Variants in PDE1C observed in about 807,000 individuals in gnomAD.
PDE1C encodes phosphodiesterase 1C.
In PDE1C, 62 loss-of-function variants were observed where a neutral mutation model predicts 93.1. The ratio of observed to expected loss-of-function variants is 0.67; its 90% CI spans 0.54 to 0.82. The LOEUF (loss-of-function observed/expected upper bound fraction) is 0.82, where lower values mean the gene tolerates loss of function less well. PDE1C is among the 40% of genes least tolerant of loss of function. The pLI is 0.00. For synonymous variants in PDE1C, 325 were observed against 310.1 expected (o/e 1.05, Z -0.50); for missense variants, 742 against 884.6 (o/e 0.84, Z 2.04).
chr7:31,705,986 A>ATTTTTTTTTTTTTTTT, the PDE1C span, among the ~76,000 whole-genome samples: 16 of 52,514 alleles, frequency 3.0e-4, 4 homozygotes, highest in African/African-American at 8.3e-4. Flanking sequence ...CAGACCAGTA[A>ATTTTTTTTTTTTTTTT]TTTTTTTTTT....
intron 1 of PDE1C, among the ~76,000 whole-genome samples, chr7:32,341,595 G>A (rs1355600167): frequency 6.6e-6 from 1 of 152,166 alleles, no homozygotes; most frequent in African/African-American, 2.4e-5. Flanking sequence ...CACAGAACAG[G>A]AGCTAATTTG....
At chr7:31,965,311 G>A (rs1037610750) in intron 2 of PDE1C, among the ~76,000 whole-genome samples, 1 of 152,324 alleles carries the variant, frequency 6.6e-6, no homozygotes, top group South Asian at 2.1e-4. Flanking sequence ...TGTGACGAAC[G>A]CACAAGCCTC....
chr7:32,126,218 T>TAGAC (rs1563334302), intron 3 of PDE1C, among the ~76,000 whole-genome samples: 3 of 151,150 alleles, frequency 2.0e-5, no homozygotes, highest in Non-Finnish European at 4.4e-5. Flanking sequence ...GATAGATAGA[T>TAGAC]AGATAGATAG....
chr7:32,408,658 G>A (rs1294942528), intron 1 of PDE1C, among the ~76,000 whole-genome samples: 1 of 152,036 alleles, frequency 6.6e-6, no homozygotes, highest in African/African-American at 2.4e-5. Flanking sequence ...GCATGGTAGT[G>A]GGTGCCTGTA....
intron 2 of PDE1C, among the ~76,000 whole-genome samples, chr7:31,934,012 AT>A (rs900188676): frequency 2.6e-5 from 4 of 152,200 alleles, no homozygotes; most frequent in Non-Finnish European, 5.9e-5. Context: ...TTTTCAAGGC[AT>A]TTGAACATGC....
intron 1 of PDE1C, among the ~76,000 whole-genome samples, chr7:32,387,184 G>T (rs1784645546): frequency 6.6e-6 from 1 of 151,468 alleles, no homozygotes; most frequent in East Asian, 1.9e-4. Context: ...GAGAGCACAG[G>T]GTTGGGGATA....
In PDE1C at chr7:31,930,929, A is replaced by G. The variant is rs113324400; in HGVS notation, c.129-50069T>C. 8.9e-3 allele frequency among the ~76,000 whole-genome samples: 1,342 copies of G among 151,090 alleles called. 21 individuals are homozygous for G. Among genetic ancestry groups the G allele is most frequent in the African/African-American group, 0.031 (1,258 of 41,182 alleles). ...CATCCCTGGGATGGAAGGCTTGTTC[A>G]ACATATGAAAATCAATAAACGTAAT... is the stretch of plus-strand genomic sequence containing the variant. On this transcript the variant is annotated intron_variant, in intron 2 of 17. Transcript: ENST00000396191.
chr7:31,856,495 C>T (rs66461632), intron 7 of PDE1C, among the ~76,000 whole-genome samples: 29,669 of 152,096 alleles, frequency 0.2, 3,024 homozygotes, highest in South Asian at 0.24. Flanking sequence ...GGCATAAATG[C>T]TGGGTGTTTT....
At chr7:31,708,469 G>A in the PDE1C span, 4 of 152,166 alleles carry the variant, frequency 2.6e-5, no homozygotes, top group African/African-American at 7.2e-5. Flanking sequence ...CTCTGTCCTC[G>A]TGCGTTTCTC....
intron 1 of PDE1C, among the ~76,000 whole-genome samples, chr7:32,272,686 C>T (rs894589562): frequency 6.6e-6 from 1 of 152,180 alleles, no homozygotes; most frequent in Non-Finnish European, 1.5e-5. Context: ...CATGAAATGA[C>T]TTAACGATTG....
chr7:31,631,608 A>G, the PDE1C span, among the ~76,000 whole-genome samples: 1 of 152,172 alleles, frequency 6.6e-6, no homozygotes, highest in African/African-American at 2.4e-5. Flanking sequence ...TTTTTCTTTA[A>G]TGATGAAGGA....
intron 2 of PDE1C, among the ~76,000 whole-genome samples, chr7:31,968,406 T>C (rs941908806): frequency 6.6e-6 from 1 of 151,988 alleles, no homozygotes; most frequent in East Asian, 1.9e-4. Flanking sequence ...TTACAAGGGA[T>C]GTGAAGGACC....
At chr7:31,778,260 C>A (rs908681012) in intron 16 of PDE1C, among the ~76,000 whole-genome samples, 1 of 152,144 alleles carries the variant, frequency 6.6e-6, no homozygotes, top group South Asian at 2.1e-4. Context: ...CCTGGGTGTG[C>A]AACAAATAGG....
chr7:32,205,606 C>G (rs956982724), intron 2 of PDE1C, among the ~76,000 whole-genome samples: 7 of 152,286 alleles, frequency 4.6e-5, no homozygotes, highest in African/African-American at 1.4e-4. Context: ...AGGCCAACCC[C>G]CCAGCCAACC....
chr7:31,694,886 C>T, the PDE1C span, among the ~76,000 whole-genome samples: 5 of 152,068 alleles, frequency 3.3e-5, no homozygotes, highest in African/African-American at 1.2e-4. Flanking sequence ...AGTCAGAAGA[C>T]AGTAGGATCT....
At chr7:31,780,435 A>G (rs1003607472) in intron 16 of PDE1C, among the ~76,000 whole-genome samples, 3 of 152,150 alleles carry the variant, frequency 2.0e-5, no homozygotes, top group Non-Finnish European at 4.4e-5. Flanking sequence ...GCTTATTAAC[A>G]TTTGCCCTGG....
intron 3 of PDE1C, among the ~76,000 whole-genome samples, chr7:32,109,975 A>G (rs1584779582): frequency 6.6e-6 from 1 of 152,182 alleles, no homozygotes; most frequent in South Asian, 2.1e-4. Flanking sequence ...TGGACTTGGG[A>G]TGTTCAACTT....
At chr7:31,689,778 A>T in the PDE1C span, among the ~76,000 whole-genome samples, 1 of 152,162 alleles carries the variant, frequency 6.6e-6, no homozygotes, top group Admixed American at 6.5e-5. Flanking sequence ...GAAGTCCGTA[A>T]TGACATCATT....
chr7:31,657,264 T>C, the PDE1C span, among the ~76,000 whole-genome samples: 2 of 133,004 alleles, frequency 1.5e-5, no homozygotes, highest in African/African-American at 5.6e-5. Context: ...GATTTCCTGA[T>C]TTGTTAAATC....
Sources: gnomAD v4.1 joint callset for allele counts (sites outside exome capture counted in the v4.1 genomes callset) on GRCh38, gnomAD v4.1.1 for gene constraint, MANE v1.5 for transcripts, NCBI Gene and HGNC (gene_info 2026-07-23, HGNC 2026-07-21) for gene names.